The following CSMD1 variants were observed in gnomAD, a reference collection of about 807,000 sequenced individuals.
The protein encoded by CSMD1 is CUB and sushi domain-containing protein 1.
A neutral mutation model predicts 417.5 loss-of-function variants in CSMD1; 213 were observed. The observed-to-expected ratio is 0.51, with a 90% confidence interval of 0.46 to 0.57. CSMD1 has a LOEUF of 0.57. CSMD1 is among the 20% of genes least tolerant of loss of function. CSMD1 has a pLI of 0.00. For missense variants in CSMD1, 6,923 were observed against 4,529.7 expected (o/e 1.53, Z -15.17); for synonymous variants, 2,862 against 1,736.8 (o/e 1.65, Z -16.11).
chr8:4,409,221 G>A (rs143562765), intron 3 of CSMD1, among the ~76,000 whole-genome samples: 20 of 152,290 alleles, frequency 1.3e-4, no homozygotes, highest in African/African-American at 4.6e-4. Flanking sequence ...TTTGATTGAT[G>A]AAATTCGAAT....
At chr8:3,724,704 G>A (rs1451418873) in intron 6 of CSMD1, among the ~76,000 whole-genome samples, 2 of 152,040 alleles carry the variant, frequency 1.3e-5, no homozygotes, top group South Asian at 2.1e-4. Context: ...GAAAAGAAAT[G>A]CATTTTTATT....
intron 36 of CSMD1, among the ~76,000 whole-genome samples, chr8:3,185,447 T>A (rs1821688539): frequency 6.6e-6 from 1 of 152,218 alleles, no homozygotes; most frequent in Non-Finnish European, 1.5e-5. Flanking sequence ...CGTCTCCTGC[T>A]TTCTGCTGGT....
chr8:4,199,049 C>T (rs940725252), intron 3 of CSMD1, among the ~76,000 whole-genome samples: 6 of 152,144 alleles, frequency 3.9e-5, no homozygotes, highest in African/African-American at 1.4e-4. Context: ...CTCTCATCCT[C>T]TGCAGTCTGG....
intron 3 of CSMD1, among the ~76,000 whole-genome samples, chr8:4,346,525 T>C (rs1055079661): frequency 1.4e-4 from 21 of 152,242 alleles, no homozygotes; most frequent in African/African-American, 5.1e-4. Context: ...TGAATTAAAA[T>C]CCAGTTACAG....
At chr8:3,644,154 T>G (rs1366996589) in intron 7 of CSMD1, among the ~76,000 whole-genome samples, 1 of 152,176 alleles carries the variant, frequency 6.6e-6, no homozygotes, top group African/African-American at 2.4e-5. Context: ...TTCAAAATGT[T>G]AGGCCCCCAA....
chr8:3,406,733 T>G (rs1024897646), intron 14 of CSMD1, among the ~76,000 whole-genome samples: 5 of 152,218 alleles, frequency 3.3e-5, no homozygotes, highest in African/African-American at 1.2e-4. Context: ...CCTAAGAAAC[T>G]AGGCAGTTAG....
intron 10 of CSMD1, among the ~76,000 whole-genome samples, chr8:3,534,741 C>T (rs1197749128): frequency 6.6e-6 from 1 of 152,134 alleles, no homozygotes; most frequent in Non-Finnish European, 1.5e-5. Flanking sequence ...CATAAGCATC[C>T]AGGTTGAGCA....
intron 10 of CSMD1, among the ~76,000 whole-genome samples, chr8:3,515,901 T>C (rs953397100): frequency 1.3e-5 from 2 of 152,208 alleles, no homozygotes; most frequent in African/African-American, 4.8e-5. Flanking sequence ...AAATAGTGTT[T>C]GGTTACAGCA....
intron 6 of CSMD1, among the ~76,000 whole-genome samples, chr8:3,728,706 T>G (rs1276913185): frequency 6.6e-6 from 1 of 152,100 alleles, no homozygotes; most frequent in East Asian, 1.9e-4. Context: ...ATCTTGCAAA[T>G]GATGCAAGTT....
At chr8:4,310,886 C>A (rs994538686) in intron 3 of CSMD1, among the ~76,000 whole-genome samples, 3 of 152,054 alleles carry the variant, frequency 2.0e-5, no homozygotes, top group African/African-American at 4.8e-5. Flanking sequence ...ATGTGGCCAA[C>A]AAGCATATGA....
chr8:4,139,256 C>T (rs922550155), intron 3 of CSMD1, among the ~76,000 whole-genome samples: 2 of 152,158 alleles, frequency 1.3e-5, no homozygotes, highest in Admixed American at 6.5e-5. Context: ...CTTCATTATG[C>T]ATCAGTGTAA....
chr8:3,962,680 G>A (rs1812408303), intron 5 of CSMD1, among the ~76,000 whole-genome samples: 1 of 152,132 alleles, frequency 6.6e-6, no homozygotes, highest in African/African-American at 2.4e-5. Context: ...GAGCAGCTGG[G>A]TGGGGAGTGT....
chr8:3,080,369 A>T (rs979442044), intron 49 of CSMD1, among the ~76,000 whole-genome samples: 5 of 152,244 alleles, frequency 3.3e-5, no homozygotes, highest in African/African-American at 1.2e-4. Flanking sequence ...TGAGGACAGA[A>T]GATCTGCCTG....
In CSMD1 at chr8:3,184,872, G is replaced by C. The variant is rs568678857; in HGVS notation, c.5620+2997C>G. ...TAAATTTTAGCAGTTTCATGTTTTT[G>C]TGCACACCTTTGATAGAATGCTCTT... is the stretch of plus-strand genomic sequence containing the variant. On this transcript the variant is annotated intron_variant, in intron 36 of 69. Transcript: ENST00000635120. Among the ~76,000 whole-genome samples the C allele has an allele frequency of 1.8e-4, 28 of 152,190 alleles. 1 individual carries two copies. In the South Asian group the frequency reaches 5.0e-3, roughly 27 times the overall value.
intron 7 of CSMD1, among the ~76,000 whole-genome samples, chr8:3,636,974 G>T (rs139238979): frequency 6.6e-6 from 1 of 152,036 alleles, no homozygotes; most frequent in East Asian, 1.9e-4. Context: ...ATGCGAATTT[G>T]TCTCTCTCTC....
At chr8:4,301,922 G>C (rs748368177) in intron 3 of CSMD1, among the ~76,000 whole-genome samples, 4 of 152,136 alleles carry the variant, frequency 2.6e-5, no homozygotes, top group Non-Finnish European at 5.9e-5. Flanking sequence ...ATGTTGCTTT[G>C]ATAGGGGCTC....
chr8:3,411,757 T>TATAC lies in CSMD1; in HGVS notation c.1562-2153_1562-2152insGTAT, dbSNP rs1225370575. Among the ~76,000 whole-genome samples the TATAC allele has an allele frequency of 8.4e-5, 11 of 130,574 alleles. 1 individual carries two copies. Among genetic ancestry groups the TATAC allele is most frequent in the Admixed American group, 4.7e-4 (6 of 12,676 alleles). The allele number at this position is 130,574 out of a possible 152,430, so 85.7% of individuals were successfully genotyped here. On this transcript the variant is annotated intron_variant, in intron 12 of 69. Transcript: ENST00000635120. ...ACACGTGTATATATACACGTGTATA[T>TATAC]ACGTGTATATACGTGTGTATATACC...
At chr8:3,658,687 G>C (rs915523861) in intron 7 of CSMD1, among the ~76,000 whole-genome samples, 1 of 151,948 alleles carries the variant, frequency 6.6e-6, no homozygotes, top group Non-Finnish European at 1.5e-5. Flanking sequence ...GGAGGCTGAG[G>C]CAGGGGAAAC....
chr8:4,383,561 C>T (rs1221259568), intron 3 of CSMD1, among the ~76,000 whole-genome samples: 1 of 152,094 alleles, frequency 6.6e-6, no homozygotes, highest in South Asian at 2.1e-4. Context: ...CATTTATAAA[C>T]CTCAAATCTG....
Sources: gnomAD v4.1 joint callset for allele counts (sites outside exome capture counted in the v4.1 genomes callset) on GRCh38, gnomAD v4.1.1 for gene constraint, MANE v1.5 for transcripts, NCBI Gene and HGNC (gene_info 2026-07-23, HGNC 2026-07-21) for gene names.